ZNF730: variants seen among roughly 807,000 people sequenced by gnomAD.
The protein encoded by ZNF730 is zinc finger protein 730.
Under a neutral mutation model 12.6 loss-of-function variants are expected in ZNF730, and 12 were observed. The ratio of observed to expected loss-of-function variants is 0.95; its 90% CI spans 0.61 to 1.54. ZNF730 has a LOEUF of 1.54. Ranked by LOEUF, ZNF730 falls within the 40% of genes most tolerant of loss-of-function variation. ZNF730 has a pLI of 0.00. For synonymous variants in ZNF730, 194 were observed against 195.8 expected, an observed-to-expected ratio of 0.99 and a Z score of 0.08; for missense variants, 643 against 583.5, an observed-to-expected ratio of 1.10 and a Z score of -1.05.
chr19:23,106,473 A>G (rs997619644), intron 1 of ZNF730, among the ~76,000 whole-genome samples: 2 of 152,180 alleles, frequency 1.3e-5, no homozygotes, highest in African/African-American at 4.8e-5. Flanking sequence ...CCTAATAGAA[A>G]TGTATTACCT....
At chr19:23,116,918 TG>T, upstream of ZNF730, 1 of 399,982 alleles carries the variant, frequency 2.5e-6, no homozygotes, top group Non-Finnish European at 4.3e-6. Flanking sequence ...ACTCAGGGCC[TG>T]AGGGGGCGGG....
At chr19:23,097,416 G>A (rs973807842) in intron 1 of ZNF730, among the ~76,000 whole-genome samples, 4 of 151,916 alleles carry the variant, frequency 2.6e-5, no homozygotes, top group African/African-American at 4.8e-5. Flanking sequence ...ATACCGAGCT[G>A]ATGTAACTCT....
upstream of ZNF730, among the ~76,000 whole-genome samples, chr19:23,115,712 C>T (rs1042898936): frequency 2.8e-5 from 3 of 107,266 alleles, no homozygotes; most frequent in Non-Finnish European, 6.4e-5. Flanking sequence ...AAGCTTACCC[C>T]CAGAAGCACA....
At chr19:23,098,995 A>G (rs1422460213) in intron 1 of ZNF730, among the ~76,000 whole-genome samples, 1 of 152,228 alleles carries the variant, frequency 6.6e-6, no homozygotes, top group Admixed American at 6.5e-5. Context: ...AAGCCCTCAG[A>G]TGGTACAGAG....
intron 3 of ZNF730, 43 bp from the exon 4 acceptor site, chr19:23,145,228 C>T (rs1472810871): frequency 1.6e-6 from 2 of 1,285,170 alleles, no homozygotes; most frequent in Non-Finnish European, 2.1e-6. Context: ...AAACTATACT[C>T]AGTCTAGTAC....
At chr19:23,119,987 T>G (rs1217573718) in intron 1 of ZNF730, among the ~76,000 whole-genome samples, 5 of 151,436 alleles carry the variant, frequency 3.3e-5, no homozygotes, top group Non-Finnish European at 7.4e-5. Context: ...GGACTCACTT[T>G]CTTTCTTTTT....
intron 1 of ZNF730, chr19:23,127,831 A>C (rs1970689154): frequency 1.5e-6 from 1 of 673,212 alleles, no homozygotes; most frequent in African/African-American, 1.8e-5. Context: ...TGTAACAAAC[A>C]AATATTGTCA....
At chr19:23,139,118 T>G (rs574804801) in intron 3 of ZNF730, among the ~76,000 whole-genome samples, 2 of 152,276 alleles carry the variant, frequency 1.3e-5, no homozygotes, top group East Asian at 3.9e-4. Flanking sequence ...ACAGGCAAAA[T>G]GGAATTATAG....
chr19:23,142,410 G>A (rs550053394), intron 3 of ZNF730, among the ~76,000 whole-genome samples: 122 of 151,926 alleles, frequency 8.0e-4, no homozygotes, highest in Middle Eastern at 6.8e-3. Flanking sequence ...TTGGCCAGGC[G>A]CGGTGGCTCA....
rs756720710 is a variant in ZNF730 at position 23,145,366 on chromosome 19, C to T, written c.322C>T (p.His108Tyr). ...ACTGAGACAATATAAAAAATGTAGA[C>T]ATGAGAATTTACTGTTAAGAAAAGG... ...VILRQYKKCR[H>Y]ENLLLRKGCK... Residue 108 changes from histidine to tyrosine, a missense_variant, in exon 4 of 4, where the codon CAT becomes TAT. Physicochemically the swap from His to Tyr is moderately conservative, Grantham distance 83. Coordinates refer to ENST00000597761, the MANE Select transcript of ZNF730 (RefSeq NM_001277403.2). The T allele has an allele frequency of 2.5e-6, 4 of 1,593,946 alleles. No individual in the cohort carries two copies. The African/African-American group carries it at 4.0e-5, about 16-fold the overall frequency.
In ZNF730 at chr19:23,146,395, C is replaced by A. The variant is rs765414939; in HGVS notation, c.1351C>A (p.Pro451Thr). The change falls in exon 4 of 4, where the codon CCC (proline) becomes ACC (threonine). Residue 451 changes from proline to threonine, a missense_variant. Physicochemically the swap from Pro to Thr is conservative, Grantham distance 38. Coordinates refer to ENST00000597761, the MANE Select transcript of ZNF730 (RefSeq NM_001277403.2). ...THKRIHTGEK[P>T]YECEECGKAF... The stretch of plus-strand genomic sequence containing the variant: ...TAAAAGAATTCATACTGGAGAGAAA[C>A]CCTATGAATGTGAAGAATGTGGCAA... The A allele has an allele frequency of 3.7e-6, 6 of 1,612,944 alleles. No individual in the cohort carries two copies.
At chr19:23,103,662 G>A (rs184640502) in intron 1 of ZNF730, among the ~76,000 whole-genome samples, 11 of 152,164 alleles carry the variant, frequency 7.2e-5, no homozygotes, top group African/African-American at 2.6e-4. Context: ...ACATGTTTAG[G>A]TACATGAGAT....
intron 1 of ZNF730, among the ~76,000 whole-genome samples, chr19:23,081,646 G>T (rs1335824593): frequency 6.6e-6 from 1 of 151,916 alleles, no homozygotes; most frequent in Non-Finnish European, 1.5e-5. Flanking sequence ...GTGGAGATGG[G>T]ATTTTGCCAT....
At chr19:23,134,468 G>A (rs1256170265) in intron 2 of ZNF730, among the ~76,000 whole-genome samples, 3 of 149,288 alleles carry the variant, frequency 2.0e-5, no homozygotes, top group African/African-American at 7.4e-5. Context: ...TGTCCGGGAG[G>A]GAGGTGGGGG....
intron 1 of ZNF730, among the ~76,000 whole-genome samples, chr19:23,119,807 C>T (rs555622521): frequency 3.3e-4 from 50 of 152,148 alleles, no homozygotes; most frequent in Admixed American, 2.8e-3. Flanking sequence ...CAGAATGAGA[C>T]TCCGTCTCAA....
chr19:23,127,855 C>G (rs114973374), intron 1 of ZNF730: 11 of 655,810 alleles, frequency 1.7e-5, no homozygotes, highest in Admixed American at 2.4e-5. Context: ...TGCTTATACC[C>G]GTATAGAAGA....
At position 23,135,197 on chromosome 19, in the gene ZNF730, C is replaced by T. The variant is rs867535071; in HGVS notation, c.131-751C>T. On this transcript the variant is annotated intron_variant, in intron 2 of 3. Transcript: ENST00000597761. ...TATGACCCTGCCAAATCCCCCTCTGCGAGAAACACCCAAGAATGATCAATA... is the reference window on the plus strand; with the variant it reads ...TATGACCCTGCCAAATCCCCCTCTGTGAGAAACACCCAAGAATGATCAATA... Among the ~76,000 whole-genome samples, 15 of 113,500 alleles carry T rather than the reference C, an allele frequency of 1.3e-4. 1 individual carries two copies. The Middle Eastern group carries it at 0.015, about 116-fold the overall frequency. 74.5% of individuals were successfully genotyped at this position (113,500 alleles called of 152,430 possible). A position where few individuals can be genotyped will look rare whatever the true frequency, so the allele number is the denominator to read the frequency against.
intron 3 of ZNF730, among the ~76,000 whole-genome samples, chr19:23,137,648 T>C (rs970929706): frequency 2.6e-5 from 4 of 152,266 alleles, no homozygotes; most frequent in Non-Finnish European, 5.9e-5. Context: ...AATATAGTTT[T>C]GCTTTGTTCT....
intron 3 of ZNF730, among the ~76,000 whole-genome samples, chr19:23,143,081 A>G (rs1477384601): frequency 2.0e-5 from 3 of 151,950 alleles, no homozygotes; most frequent in African/African-American, 4.8e-5. Context: ...TGTCTCTACT[A>G]AAAACACAAA....
Sources: allele counts gnomAD v4.1 joint callset (sites outside exome capture counted in the v4.1 genomes callset), GRCh38; gene constraint gnomAD v4.1.1; transcripts MANE v1.5; gene names NCBI Gene and HGNC (gene_info 2026-07-23, HGNC 2026-07-21).